ZNF423: variants seen among roughly 807,000 people sequenced by gnomAD.
ZNF423 encodes zinc finger protein 423, also known as Ebf-associated zinc finger protein.
A neutral mutation model predicts 95.8 loss-of-function variants in ZNF423; 12 were observed. That is an observed-to-expected ratio of 0.13 (90% confidence interval 0.08 to 0.20). ZNF423 has a LOEUF of 0.20. Ranked by LOEUF, ZNF423 falls within the 10% of genes least tolerant of loss-of-function variation. ZNF423 has a pLI of 1.00. For synonymous variants in ZNF423, 749 were observed against 711.9 expected (o/e 1.05, Z -0.83); for missense variants, 1,316 against 1,737.1 (o/e 0.76, Z 4.31).
intron 5 of ZNF423, among the ~76,000 whole-genome samples, chr16:49,583,925 G>T (rs1254738459): frequency 1.3e-5 from 2 of 152,228 alleles, no homozygotes; most frequent in Non-Finnish European, 2.9e-5. Flanking sequence ...GCAGGAGGAA[G>T]TTGGAGCCTG....
At chr16:49,693,418 G>C (rs2031860929) in intron 3 of ZNF423, among the ~76,000 whole-genome samples, 1 of 152,146 alleles carries the variant, frequency 6.6e-6, no homozygotes, top group Non-Finnish European at 1.5e-5. Flanking sequence ...TCAGGCTCCT[G>C]GTCCTGTCTT....
At chr16:49,746,304 A>G (rs774414803) in intron 2 of ZNF423, among the ~76,000 whole-genome samples, 2 of 152,074 alleles carry the variant, frequency 1.3e-5, no homozygotes, top group Non-Finnish European at 2.9e-5. Context: ...GCTTCCTGTG[A>G]GAGCGGGTCT....
At chr16:49,787,799 G>A (rs576106643) in intron 2 of ZNF423, among the ~76,000 whole-genome samples, 9 of 152,230 alleles carry the variant, frequency 5.9e-5, no homozygotes, top group African/African-American at 9.6e-5. Context: ...CAGCCCCACC[G>A]GGAAAGCAGC....
intron 1 of ZNF423, among the ~76,000 whole-genome samples, chr16:49,812,038 A>C (rs1413301917): frequency 2.0e-5 from 3 of 152,178 alleles, no homozygotes; most frequent in Non-Finnish European, 2.9e-5. Flanking sequence ...TGCCACCACA[A>C]TCAAAACTCC....
chr16:49,623,473 A>G (rs2151861217), intron 5 of ZNF423, among the ~76,000 whole-genome samples: 1 of 152,336 alleles, frequency 6.6e-6, no homozygotes, highest in African/African-American at 2.4e-5. Flanking sequence ...CTCAGAAATC[A>G]CTGCAGTCCA....
chr16:49,820,879 T>G (rs1411166214), intron 1 of ZNF423, among the ~76,000 whole-genome samples: 1 of 152,258 alleles, frequency 6.6e-6, no homozygotes, highest in Non-Finnish European at 1.5e-5. Context: ...ATCCCCACAA[T>G]TGGGCTTTTG....
chr16:49,549,272 C>G (rs1284882840), intron 5 of ZNF423, among the ~76,000 whole-genome samples: 1 of 152,168 alleles, frequency 6.6e-6, no homozygotes, highest in Non-Finnish European at 1.5e-5. Context: ...AGGGTGGGAA[C>G]AGGCAGGAGC....
chr16:49,782,778 G>A (rs1284365159), intron 2 of ZNF423, among the ~76,000 whole-genome samples: 1 of 152,122 alleles, frequency 6.6e-6, no homozygotes, highest in Non-Finnish European at 1.5e-5. Flanking sequence ...GCCTGGAGAG[G>A]TGGGAGATTC....
At chr16:49,668,364 A>C (rs542665660) in intron 3 of ZNF423, among the ~76,000 whole-genome samples, 2 of 152,228 alleles carry the variant, frequency 1.3e-5, no homozygotes, top group African/African-American at 4.8e-5. Context: ...GCAAACCTTG[A>C]GTCCTCCCAG....
chr16:49,723,349 C>A (rs148450447), intron 3 of ZNF423, among the ~76,000 whole-genome samples: 1 of 152,224 alleles, frequency 6.6e-6, no homozygotes, highest in Non-Finnish European at 1.5e-5. Flanking sequence ...GGATCAGAGA[C>A]GGTACAGACC....
chr16:49,551,077 A>T (rs1969615144), intron 5 of ZNF423, among the ~76,000 whole-genome samples: 1 of 152,214 alleles, frequency 6.6e-6, no homozygotes, highest in African/African-American at 2.4e-5. Context: ...TCCCAAACAG[A>T]AGAGCTATCT....
At chr16:49,559,511 C>T (rs1460008967) in intron 5 of ZNF423, among the ~76,000 whole-genome samples, 1 of 152,154 alleles carries the variant, frequency 6.6e-6, no homozygotes, top group Non-Finnish European at 1.5e-5. Flanking sequence ...TGGTTGGACC[C>T]AAACCTATCT....
chr16:49,583,634 C>T (rs1032440257), intron 5 of ZNF423, among the ~76,000 whole-genome samples: 1 of 152,262 alleles, frequency 6.6e-6, no homozygotes, highest in African/African-American at 2.4e-5. Flanking sequence ...TATACACACA[C>T]TTATATGTCG....
chr16:49,574,208 A>ACCCC (rs199705661), intron 5 of ZNF423, among the ~76,000 whole-genome samples: 3 of 152,076 alleles, frequency 2.0e-5, no homozygotes, highest in African/African-American at 7.2e-5. Flanking sequence ...ACATAGTGGG[A>ACCCC]CCCGCTGTCT....
At chr16:49,787,608 G>A (rs574085703) in intron 2 of ZNF423, among the ~76,000 whole-genome samples, 2 of 152,166 alleles carry the variant, frequency 1.3e-5, no homozygotes, top group Non-Finnish European at 2.9e-5. Context: ...CAGAACTACA[G>A]AACCCAGTTC....
At chr16:49,719,248 A>T (rs1567309302) in intron 3 of ZNF423, among the ~76,000 whole-genome samples, 1 of 152,224 alleles carries the variant, frequency 6.6e-6, no homozygotes. Flanking sequence ...CCTAATGAAA[A>T]AGCAGACCTG....
chr16:49,642,049 T>C (rs1972991352), intron 3 of ZNF423, among the ~76,000 whole-genome samples: 1 of 152,244 alleles, frequency 6.6e-6, no homozygotes, highest in Admixed American at 6.5e-5. Context: ...ATTTTGCCAA[T>C]AATAAGAATT....
rs138837946 is a variant in ZNF423, at chr16:49,511,320, C to T, written c.3849+12304G>A. Among the ~76,000 whole-genome samples the T allele has an allele frequency of 1.4e-4, 22 of 152,242 alleles. No individual in the cohort carries two copies. The East Asian group carries it at 3.5e-3, about 24-fold the overall frequency. ...CCTCGCTGGGAGGTGAGGCCCACTT[C>T]GAGACCCTGCACCCAGAGACCTACC... is the stretch of plus-strand genomic sequence containing the variant. On this transcript the variant is annotated intron_variant, in intron 7 of 7. Coordinates refer to ENST00000563137, the MANE Select transcript of ZNF423 (RefSeq NM_001379286.1).
At chr16:49,610,587 G>A (rs1971692393) in intron 5 of ZNF423, among the ~76,000 whole-genome samples, 1 of 151,932 alleles carries the variant, frequency 6.6e-6, no homozygotes, top group South Asian at 2.1e-4. Flanking sequence ...AAATGTTCAA[G>A]TAAGTCACAG....
Sources: allele counts gnomAD v4.1 joint callset (sites outside exome capture counted in the v4.1 genomes callset), GRCh38; gene constraint gnomAD v4.1.1; transcripts MANE v1.5; gene names NCBI Gene and HGNC (gene_info 2026-07-23, HGNC 2026-07-21).